MACROD2: variants seen among roughly 807,000 people sequenced by gnomAD.
MACROD2 encodes mono-ADP ribosylhydrolase 2.
Under a neutral mutation model 70.4 loss-of-function variants are expected in MACROD2, and 36 were observed. That is an observed-to-expected ratio of 0.51 (90% CI 0.39 to 0.68). MACROD2 has a LOEUF of 0.68. Ranked by LOEUF, MACROD2 falls within the 30% of genes least tolerant of loss-of-function variation. The pLI is 0.00. For missense variants in MACROD2, 496 were observed against 538.4 expected (o/e 0.92, Z 0.78); for synonymous variants, 172 against 178.8 (o/e 0.96, Z 0.30).
intron 4 of MACROD2, among the ~76,000 whole-genome samples, chr20:14,615,795 T>C (rs1568700608): frequency 6.6e-6 from 1 of 151,970 alleles, no homozygotes; most frequent in Non-Finnish European, 1.5e-5. Context: ...TAAACTACAC[T>C]AAGGATCAAT....
chr20:14,213,504 G>A (rs1421751195), intron 3 of MACROD2, among the ~76,000 whole-genome samples: 1 of 149,864 alleles, frequency 6.7e-6, no homozygotes, highest in Non-Finnish European at 1.5e-5. Context: ...TAGAATAACA[G>A]AGACTTTAGT....
intron 6 of MACROD2, among the ~76,000 whole-genome samples, chr20:15,373,251 C>T (rs945559535): frequency 3.9e-5 from 6 of 152,136 alleles, no homozygotes; most frequent in Non-Finnish European, 8.8e-5. Flanking sequence ...TTTAACTCTA[C>T]TCCAGATTTA....
At chr20:14,298,989 A>G (rs1012524163) in intron 3 of MACROD2, among the ~76,000 whole-genome samples, 2 of 152,194 alleles carry the variant, frequency 1.3e-5, no homozygotes, top group Admixed American at 6.5e-5. Flanking sequence ...TGCTGTGAAC[A>G]TTGTTGAAAT....
intron 3 of MACROD2, among the ~76,000 whole-genome samples, chr20:14,262,280 T>C (rs781318710): frequency 2.0e-5 from 3 of 152,150 alleles, no homozygotes; most frequent in Non-Finnish European, 4.4e-5. Context: ...ATCTACATGA[T>C]GTGGTAAATG....
chr20:15,429,832 A>G (rs919655480), intron 6 of MACROD2, among the ~76,000 whole-genome samples: 4 of 152,068 alleles, frequency 2.6e-5, no homozygotes, highest in East Asian at 1.9e-4. Context: ...TTACATGAAT[A>G]TACTGTGTAA....
At chr20:14,744,728 G>A (rs945958568) in intron 5 of MACROD2, among the ~76,000 whole-genome samples, 1 of 152,058 alleles carries the variant, frequency 6.6e-6, no homozygotes, top group South Asian at 2.1e-4. Flanking sequence ...CTTTCTTGTC[G>A]CTGATACCCT....
At chr20:15,821,560 C>T (rs984567791) in intron 8 of MACROD2, among the ~76,000 whole-genome samples, 3 of 152,116 alleles carry the variant, frequency 2.0e-5, no homozygotes, top group African/African-American at 7.2e-5. Flanking sequence ...CTTGCATGTA[C>T]AGTCAACCCT....
intron 6 of MACROD2, among the ~76,000 whole-genome samples, chr20:15,323,000 T>C (rs1329022041): frequency 6.9e-6 from 1 of 144,098 alleles, no homozygotes; most frequent in Non-Finnish European, 1.6e-5. Context: ...GCTAAGTTGT[T>C]CCATGGTCTC....
chr20:15,326,780 G>C (rs1330690915), intron 6 of MACROD2, among the ~76,000 whole-genome samples: 1 of 152,222 alleles, frequency 6.6e-6, no homozygotes, highest in East Asian at 1.9e-4. Flanking sequence ...GCCACAGGTG[G>C]CTAGAGAAGG....
At chr20:14,423,812 G>T (rs1486242192) in intron 3 of MACROD2, among the ~76,000 whole-genome samples, 1 of 133,756 alleles carries the variant, frequency 7.5e-6, no homozygotes, top group African/African-American at 2.7e-5. Context: ...GCCCAGGCTG[G>T]AGTGCAATGG....
At chr20:14,493,417 T>C in intron 3 of MACROD2, 62 bp from the exon 4 acceptor site, 1 of 1,364,924 alleles carries the variant, frequency 7.3e-7, no homozygotes, top group Non-Finnish European at 1.0e-6. Flanking sequence ...TGAATTACTC[T>C]GATATACTAT....
chr20:14,629,305 T>C (rs936578167), intron 4 of MACROD2, among the ~76,000 whole-genome samples: 1 of 152,242 alleles, frequency 6.6e-6, no homozygotes, highest in Non-Finnish European at 1.5e-5. Context: ...ATATTTCTAC[T>C]TCTCCATTAA....
intron 6 of MACROD2, among the ~76,000 whole-genome samples, chr20:15,379,790 C>T (rs943977155): frequency 2.6e-5 from 4 of 152,164 alleles, no homozygotes; most frequent in African/African-American, 9.6e-5. Context: ...AATCTCTAAA[C>T]AAGCACATGA....
intron 7 of MACROD2, among the ~76,000 whole-genome samples, chr20:15,440,791 T>C (rs1286139903): frequency 6.6e-6 from 1 of 152,158 alleles, no homozygotes; most frequent in Non-Finnish European, 1.5e-5. Flanking sequence ...CCCTAATGGC[T>C]CTCCTCCTTC....
chr20:14,686,387 C>A (rs1410881000), intron 5 of MACROD2, among the ~76,000 whole-genome samples: 1 of 152,094 alleles, frequency 6.6e-6, no homozygotes, highest in African/African-American at 2.4e-5. Flanking sequence ...GTGCATGAAA[C>A]AAAGTTTTGA....
At chr20:14,574,943 G>T (rs1413258374) in intron 4 of MACROD2, among the ~76,000 whole-genome samples, 1 of 145,812 alleles carries the variant, frequency 6.9e-6, no homozygotes, top group African/African-American at 2.6e-5. Context: ...CCCGGGAAGC[G>T]GAGCTTGCAG....
chr20:15,834,968 C>T (rs2064097057), intron 8 of MACROD2, among the ~76,000 whole-genome samples: 1 of 152,086 alleles, frequency 6.6e-6, no homozygotes, highest in Non-Finnish European at 1.5e-5. Context: ...TTATAAAAGG[C>T]TTTTGCAGCT....
Position 14,002,232 on chromosome 20 carries a change from T to C in MACROD2, c.47-56T>C, listed in dbSNP as rs79737877. The C allele has an allele frequency of 3.6e-4, 418 of 1,175,160 alleles. 9 individuals carry two copies. In the East Asian group the frequency reaches 9.7e-3, roughly 27 times the overall value. The allele number at this position is 1,175,160 out of a possible 1,614,324, so 72.8% of individuals were successfully genotyped here. A position where few individuals can be genotyped will look rare whatever the true frequency, so the allele number is the denominator to read the frequency against. On this transcript the variant is annotated intron_variant, in intron 1 of 17. Transcript: ENST00000684519. ...TTGGTTAATACTTAAAGTATAAAAATAATTCCCATGTTTAAACGTTAAATA... is the reference window on the plus strand; with the variant it reads ...TTGGTTAATACTTAAAGTATAAAAACAATTCCCATGTTTAAACGTTAAATA...
intron 4 of MACROD2, among the ~76,000 whole-genome samples, chr20:14,679,398 A>C (rs1209541934): frequency 6.6e-6 from 1 of 152,190 alleles, no homozygotes; most frequent in Non-Finnish European, 1.5e-5. Flanking sequence ...GGGTGTGGCC[A>C]AATCAGAGGA....
Sources: gnomAD v4.1 joint callset for allele counts (sites outside exome capture counted in the v4.1 genomes callset) on GRCh38, gnomAD v4.1.1 for gene constraint, MANE v1.5 for transcripts, NCBI Gene and HGNC (gene_info 2026-07-23, HGNC 2026-07-21) for gene names.